CHST11: variants seen among roughly 807,000 people sequenced by gnomAD.
CHST11 encodes carbohydrate sulfotransferase 11.
In CHST11, 9 loss-of-function variants were observed where a neutral mutation model predicts 30.4. The observed-to-expected ratio is 0.30, with a 90% confidence interval of 0.18 to 0.52. The LOEUF (loss-of-function observed/expected upper bound fraction) is 0.52, where lower values mean the gene tolerates loss of function less well. CHST11 is among the 20% of genes least tolerant of loss of function. CHST11 has a pLI of 0.97. For synonymous variants in CHST11, 152 were observed against 187.8 expected, an observed-to-expected ratio of 0.81 and a Z score of 1.56; for missense variants, 348 against 460.6, an observed-to-expected ratio of 0.76 and a Z score of 2.24.
chr12:104,756,535 G>GTGTGTGTGTGTGTGTC (rs2040476786), intron 2 of CHST11, among the ~76,000 whole-genome samples: 2 of 148,464 alleles, frequency 1.3e-5, no homozygotes, highest in Non-Finnish European at 3.0e-5. Context: ...CATGTGGGGT[G>GTGTGTGTGTGTGTGTC]TGTGTGTGTG....
intron 2 of CHST11, among the ~76,000 whole-genome samples, chr12:104,626,707 T>C (rs1178206674): frequency 1.3e-5 from 2 of 152,142 alleles, no homozygotes; most frequent in African/African-American, 4.8e-5. Context: ...ATTTTTTTTT[T>C]TAGAGCAGTT....
intron 2 of CHST11, among the ~76,000 whole-genome samples, chr12:104,659,673 A>G (rs1288275070): frequency 6.6e-6 from 1 of 152,220 alleles, no homozygotes; most frequent in Non-Finnish European, 1.5e-5. Flanking sequence ...TATATTATTA[A>G]CATTAATTAT....
At chr12:104,548,411 A>G (rs75814854) in intron 1 of CHST11, among the ~76,000 whole-genome samples, 4,388 of 152,300 alleles carry the variant, frequency 0.029, 218 homozygotes, top group African/African-American at 0.1. Context: ...GAGTGAGCTC[A>G]GTGTTGGGAA....
At chr12:104,713,644 C>T (rs1465020479) in intron 2 of CHST11, among the ~76,000 whole-genome samples, 1 of 152,144 alleles carries the variant, frequency 6.6e-6, no homozygotes, top group Admixed American at 6.5e-5. Context: ...TGAAGGATGC[C>T]GTGCTGGGCC....
intron 2 of CHST11, among the ~76,000 whole-genome samples, chr12:104,604,836 C>T (rs2038988422): frequency 6.6e-6 from 1 of 152,112 alleles, no homozygotes; most frequent in African/African-American, 2.4e-5. Context: ...AAGAAACCAA[C>T]ATTATGACAA....
Position 104,457,419 on chromosome 12 carries a change from C to A in CHST11, c.8C>A (p.Pro3Gln), listed in dbSNP as rs763226519. The change falls in exon 1 of 3, where the codon CCA becomes CAA. Residue 3 changes from proline (P) to glutamine (Q), a missense_variant. Coordinates refer to ENST00000303694, the MANE Select transcript of CHST11 (RefSeq NM_018413.6). ...CGCAGCCAGGACAAAGCCATGAAGCCAGCGCTGCTGGAAGTGATGAGGATG... is the reference window on the plus strand; with the variant it reads ...CGCAGCCAGGACAAAGCCATGAAGCAAGCGCTGCTGGAAGTGATGAGGATG... MK[P>Q]ALLEVMRMNR... The A allele has an allele frequency of 6.2e-6, 10 of 1,613,520 alleles. No homozygotes were observed. The highest frequency in any genetic ancestry group is 7.6e-6 in the Non-Finnish European group (9 of 1,179,444).
chr12:104,692,559 G>A (rs1246219613), intron 2 of CHST11, among the ~76,000 whole-genome samples: 1 of 152,176 alleles, frequency 6.6e-6, no homozygotes, highest in African/African-American at 2.4e-5. Context: ...CAGGCATAAT[G>A]AAACATCACA....
intron 1 of CHST11, among the ~76,000 whole-genome samples, chr12:104,517,194 C>T (rs1216675384): frequency 1.3e-5 from 2 of 152,166 alleles, no homozygotes; most frequent in Non-Finnish European, 1.5e-5. Context: ...CTTGGGTGCA[C>T]TGTAAGAGAA....
chr12:104,502,145 G>A (rs111935340), intron 1 of CHST11, among the ~76,000 whole-genome samples: 6,221 of 151,402 alleles, frequency 0.041, 195 homozygotes, highest in Admixed American at 0.094. Flanking sequence ...TTCCTGTCTC[G>A]ACCTCCTGAG....
intron 1 of CHST11, among the ~76,000 whole-genome samples, chr12:104,468,907 T>C (rs2037483313): frequency 6.6e-6 from 1 of 152,192 alleles, no homozygotes; most frequent in Non-Finnish European, 1.5e-5. Flanking sequence ...GGAATGGATG[T>C]AAACCTATGT....
chr12:104,466,454 A>G (rs1002351134), intron 1 of CHST11, among the ~76,000 whole-genome samples: 1 of 152,262 alleles, frequency 6.6e-6, no homozygotes, highest in Non-Finnish European at 1.5e-5. Context: ...TGCTGTTGCA[A>G]AAAACCCTCG....
intron 2 of CHST11, among the ~76,000 whole-genome samples, chr12:104,628,442 G>T (rs1356225830): frequency 6.6e-6 from 1 of 152,220 alleles, no homozygotes; most frequent in Non-Finnish European, 1.5e-5. Context: ...ATCAAGACTT[G>T]TTGAGCTTGG....
At chr12:104,594,100 C>T (rs960591022) in intron 1 of CHST11, among the ~76,000 whole-genome samples, 1 of 152,188 alleles carries the variant, frequency 6.6e-6, no homozygotes, top group African/African-American at 2.4e-5. Context: ...TTGACACAAA[C>T]ATACCGAGTA....
intron 2 of CHST11, among the ~76,000 whole-genome samples, chr12:104,719,632 C>T (rs772760478): frequency 3.3e-4 from 50 of 152,366 alleles, no homozygotes; most frequent in Middle Eastern, 6.8e-3. Flanking sequence ...GGGCAAATGA[C>T]TGGCTGGCGT....
intron 2 of CHST11, among the ~76,000 whole-genome samples, chr12:104,690,254 C>T (rs2039884955): frequency 6.6e-6 from 1 of 152,192 alleles, no homozygotes; most frequent in Admixed American, 6.5e-5. Context: ...GAAAGAATTG[C>T]ATTGGAAGGA....
intron 1 of CHST11, among the ~76,000 whole-genome samples, chr12:104,522,581 C>T (rs189626462): frequency 2.0e-5 from 3 of 152,248 alleles, no homozygotes; most frequent in East Asian, 1.9e-4. Context: ...CTCACTCATC[C>T]GAATCTCTGG....
chr12:104,705,468 C>A (rs2040024299), intron 2 of CHST11, among the ~76,000 whole-genome samples: 1 of 152,166 alleles, frequency 6.6e-6, no homozygotes, highest in Admixed American at 6.5e-5. Context: ...TGGGCAACAG[C>A]TATTTTTTGG....
chr12:104,609,712 A>G (rs769226528), intron 2 of CHST11, among the ~76,000 whole-genome samples: 1 of 152,250 alleles, frequency 6.6e-6, no homozygotes, highest in African/African-American at 2.4e-5. Context: ...TGTGAGATTC[A>G]GAATTCTGTA....
At chr12:104,504,254 C>T (rs1036733138) in intron 1 of CHST11, among the ~76,000 whole-genome samples, 1 of 152,184 alleles carries the variant, frequency 6.6e-6, no homozygotes, top group Non-Finnish European at 1.5e-5. Flanking sequence ...CATTTCTCCC[C>T]GACTGCTCAT....
Sources: gnomAD v4.1 joint callset for allele counts (sites outside exome capture counted in the v4.1 genomes callset) on GRCh38, gnomAD v4.1.1 for gene constraint, MANE v1.5 for transcripts, NCBI Gene and HGNC (gene_info 2026-07-23, HGNC 2026-07-21) for gene names.